The following CNTNAP2 variants were observed in gnomAD, a reference collection of about 807,000 sequenced individuals.
CNTNAP2 encodes the protein contactin associated protein 2, also known as contactin-associated protein-like 2.
CNTNAP2 carries 98 observed loss-of-function variants against 155.2 expected under a neutral mutation model. The ratio of observed to expected loss-of-function variants is 0.63; its 90% CI spans 0.54 to 0.75. The LOEUF (loss-of-function observed/expected upper bound fraction) is 0.75. Ranked by LOEUF, CNTNAP2 falls within the 30% of genes least tolerant of loss-of-function variation. CNTNAP2 has a pLI of 0.00. For missense variants in CNTNAP2, 1,727 were observed against 1,688.1 expected, an observed-to-expected ratio of 1.02 and a Z score of -0.40; for synonymous variants, 651 against 631.2, an observed-to-expected ratio of 1.03 and a Z score of -0.47.
chr7:146,842,620 G>A (rs78745370), intron 3 of CNTNAP2, among the ~76,000 whole-genome samples: 4,926 of 152,168 alleles, frequency 0.032, 300 homozygotes, highest in African/African-American at 0.11. Flanking sequence ...ATGGCAGAAG[G>A]CAAAGGGGAG....
chr7:146,498,908 ACAGT>A (rs1241716945), intron 1 of CNTNAP2, among the ~76,000 whole-genome samples: 4 of 152,200 alleles, frequency 2.6e-5, no homozygotes, highest in African/African-American at 9.7e-5. Flanking sequence ...CTAGCCAAAC[ACAGT>A]CATAGTGTAA....
At chr7:147,202,438 A>C (rs891008827) in intron 8 of CNTNAP2, among the ~76,000 whole-genome samples, 6 of 152,156 alleles carry the variant, frequency 3.9e-5, no homozygotes, top group African/African-American at 1.4e-4. Context: ...TTCTGAAGGG[A>C]ATATAGGTTG....
intron 1 of CNTNAP2, among the ~76,000 whole-genome samples, chr7:146,662,562 C>T (rs1800111262): frequency 6.6e-6 from 1 of 152,086 alleles, no homozygotes. Context: ...TTTCCCCACA[C>T]TGTGGTTTAT....
intron 9 of CNTNAP2, among the ~76,000 whole-genome samples, chr7:147,316,678 C>T (rs551796234): frequency 1.1e-3 from 166 of 152,160 alleles, no homozygotes; most frequent in Middle Eastern, 0.01. Flanking sequence ...ATAATGGTAA[C>T]GGATCCCATT....
intron 21 of CNTNAP2, among the ~76,000 whole-genome samples, chr7:148,317,749 G>T (rs894685003): frequency 2.0e-5 from 3 of 151,142 alleles, no homozygotes; most frequent in Admixed American, 6.6e-5. Flanking sequence ...CGCCCAGGCT[G>T]AAGTGCAGTG....
At chr7:147,368,792 C>G (rs921357979) in intron 9 of CNTNAP2, among the ~76,000 whole-genome samples, 1 of 152,174 alleles carries the variant, frequency 6.6e-6, no homozygotes, top group Admixed American at 6.5e-5. Context: ...TGCTGAAGCA[C>G]CCAGCTAAAA....
At chr7:147,098,286 C>A (rs1309709100) in intron 4 of CNTNAP2, among the ~76,000 whole-genome samples, 5 of 152,204 alleles carry the variant, frequency 3.3e-5, no homozygotes, top group African/African-American at 1.2e-4. Flanking sequence ...AGTCTTTAAT[C>A]TTCCAATTCT....
At chr7:146,688,506 AG>A (rs1800641807) in intron 1 of CNTNAP2, among the ~76,000 whole-genome samples, 1 of 152,024 alleles carries the variant, frequency 6.6e-6, no homozygotes, top group South Asian at 2.1e-4. Context: ...TTACAGTTAA[AG>A]GGGGTTGTTC....
At chr7:147,864,058 C>T (rs75763626) in intron 13 of CNTNAP2, among the ~76,000 whole-genome samples, 89,835 of 151,290 alleles carry the variant, frequency 0.59, 26,953 homozygotes, top group Middle Eastern at 0.7. Flanking sequence ...TTTATGGTTT[C>T]AGGTCTAACA....
chr7:148,181,948 G>A (rs1175370608), intron 18 of CNTNAP2, among the ~76,000 whole-genome samples: 7 of 151,112 alleles, frequency 4.6e-5, no homozygotes, highest in Admixed American at 2.6e-4. Flanking sequence ...TAGTAGAGAC[G>A]GGGTTTCACC....
At chr7:147,980,933 C>CAAAAAAAA (rs34927518) in intron 15 of CNTNAP2, among the ~76,000 whole-genome samples, 45 of 93,982 alleles carry the variant, frequency 4.8e-4, no homozygotes, top group African/African-American at 5.7e-4. Flanking sequence ...TCCATCTTAA[C>CAAAAAAAA]AAAAAAAAAA....
intron 10 of CNTNAP2, among the ~76,000 whole-genome samples, chr7:147,471,765 C>T (rs1258527528): frequency 1.3e-5 from 2 of 152,270 alleles, no homozygotes; most frequent in African/African-American, 4.8e-5. Flanking sequence ...GACATGTTCC[C>T]TACTCTCATG....
intron 3 of CNTNAP2, among the ~76,000 whole-genome samples, chr7:146,938,512 T>G (rs1472029108): frequency 5.3e-5 from 8 of 151,504 alleles, no homozygotes; most frequent in Non-Finnish European, 1.2e-4. Flanking sequence ...GTATTCTGCT[T>G]CTAAGAATGA....
intron 3 of CNTNAP2, among the ~76,000 whole-genome samples, chr7:146,881,975 C>A (rs372279530): frequency 2.0e-5 from 3 of 151,942 alleles, no homozygotes; most frequent in Non-Finnish European, 4.4e-5. Flanking sequence ...TCTCTCCTTC[C>A]TCTGCTGGTC....
At chr7:148,178,777 C>T (rs1479721887) in intron 18 of CNTNAP2, among the ~76,000 whole-genome samples, 1 of 152,222 alleles carries the variant, frequency 6.6e-6, no homozygotes, top group Admixed American at 6.5e-5. Context: ...AAGGACCTGG[C>T]ACACAGCAGT....
chr7:148,001,503 A>G (rs757979634), intron 15 of CNTNAP2, among the ~76,000 whole-genome samples: 2 of 152,206 alleles, frequency 1.3e-5, no homozygotes, highest in East Asian at 1.9e-4. Flanking sequence ...GTTTCAAAGT[A>G]TAGGACGACT....
At chr7:148,050,286 T>C (rs1046642840) in intron 15 of CNTNAP2, among the ~76,000 whole-genome samples, 29 of 152,140 alleles carry the variant, frequency 1.9e-4, no homozygotes, top group African/African-American at 7.0e-4. Flanking sequence ...GACCTCGCAG[T>C]AGGACAAGGT....
intron 21 of CNTNAP2, among the ~76,000 whole-genome samples, chr7:148,286,015 CATT>C (rs1026997512): frequency 2.0e-5 from 3 of 151,960 alleles, no homozygotes; most frequent in African/African-American, 7.2e-5. Context: ...GAAAAGAAAA[CATT>C]ATTAGGAAAA....
In CNTNAP2 at chr7:147,132,381, A is replaced by G. The variant is rs143877693; in HGVS notation, c.1220A>G (p.Asn407Ser). The G allele has an allele frequency of 8.0e-4, 1,289 of 1,613,692 alleles. 5 individuals are homozygous for G. The highest frequency in any genetic ancestry group is 6.8e-3 in the African/African-American group (512 of 74,970). Residue 407 changes from asparagine to serine, a missense_variant, in exon 8 of 24, where the codon AAT becomes AGT. Coordinates refer to ENST00000361727, the MANE Select transcript of CNTNAP2 (RefSeq NM_014141.6). The stretch of plus-strand genomic sequence containing the variant: ...TTCCAGTTTAGGACATGGAACCCCA[A>G]TGGTCTCCTGGTCTTCAGTCACTTT... ...VSFQFRTWNP[N>S]GLLVFSHFAD...
Sources: gnomAD v4.1 joint callset for allele counts (sites outside exome capture counted in the v4.1 genomes callset) on GRCh38, gnomAD v4.1.1 for gene constraint, MANE v1.5 for transcripts, NCBI Gene and HGNC (gene_info 2026-07-23, HGNC 2026-07-21) for gene names.